Variants in TPST1 observed in about 807,000 individuals in gnomAD.
The protein encoded by TPST1 is tyrosylprotein sulfotransferase 1.
A neutral mutation model predicts 34.8 loss-of-function variants in TPST1; 20 were observed. The ratio of observed to expected loss-of-function variants is 0.57; its 90% CI spans 0.40 to 0.84. The LOEUF (loss-of-function observed/expected upper bound fraction) is 0.84, where lower values mean the gene tolerates loss of function less well. Ranked by LOEUF, TPST1 falls within the 40% of genes least tolerant of loss-of-function variation. The probability of loss-of-function intolerance (pLI) is 0.00; values close to 1 mark genes in which losing one functional copy is unlikely to be tolerated. For synonymous variants in TPST1, 152 were observed against 159.4 expected (o/e 0.95, Z 0.35); for missense variants, 353 against 455.5 (o/e 0.78, Z 2.05).
At chr7:66,297,234 G>A (rs1791220157) in intron 3 of TPST1, among the ~76,000 whole-genome samples, 1 of 152,104 alleles carries the variant, frequency 6.6e-6, no homozygotes, top group Non-Finnish European at 1.5e-5. Flanking sequence ...TTCCTAGTGG[G>A]TCTCTTTCCT....
intron 1 of TPST1, among the ~76,000 whole-genome samples, chr7:66,223,100 A>G (rs1311322884): frequency 6.6e-6 from 1 of 151,990 alleles, no homozygotes; most frequent in East Asian, 1.9e-4. Flanking sequence ...CTTTTACATT[A>G]ATTCAATGCC....
chr7:66,298,507 A>T (rs1277348816), intron 3 of TPST1, among the ~76,000 whole-genome samples: 1 of 152,002 alleles, frequency 6.6e-6, no homozygotes, highest in Non-Finnish European at 1.5e-5. Context: ...TTTACTTTTA[A>T]TCTGTGTCTT....
intron 2 of TPST1, among the ~76,000 whole-genome samples, chr7:66,252,817 C>A (rs1402264325): frequency 6.6e-6 from 1 of 152,036 alleles, no homozygotes; most frequent in Non-Finnish European, 1.5e-5. Context: ...AAAATAGTTT[C>A]CCATGTTTTT....
chr7:66,296,414 A>G (rs1791199779), intron 3 of TPST1, among the ~76,000 whole-genome samples: 2 of 152,088 alleles, frequency 1.3e-5, no homozygotes, highest in African/African-American at 2.4e-5. Context: ...CCTTTTTGCA[A>G]ACTAAATCCT....
At chr7:66,315,815 GA>G (rs1038227821) in intron 3 of TPST1, among the ~76,000 whole-genome samples, 6 of 150,504 alleles carry the variant, frequency 4.0e-5, no homozygotes, top group African/African-American at 7.3e-5. Flanking sequence ...AGAATAACAA[GA>G]AAAAAAAATT....
intron 2 of TPST1, among the ~76,000 whole-genome samples, chr7:66,254,943 C>T (rs1008783315): frequency 1.3e-5 from 2 of 151,568 alleles, no homozygotes; most frequent in East Asian, 2.0e-4. Flanking sequence ...GTCAGGAGAT[C>T]GAGACCATCC....
At chr7:66,325,057 G>T (rs1791836339) in intron 3 of TPST1, among the ~76,000 whole-genome samples, 1 of 152,150 alleles carries the variant, frequency 6.6e-6, no homozygotes, top group South Asian at 2.1e-4. Flanking sequence ...AAGGAAAGAG[G>T]TTTAATTGAC....
intron 2 of TPST1, among the ~76,000 whole-genome samples, chr7:66,284,488 A>G (rs893744030): frequency 6.6e-6 from 1 of 151,866 alleles, no homozygotes; most frequent in Non-Finnish European, 1.5e-5. Flanking sequence ...TCAAATATTA[A>G]TTAATCATAG....
At chr7:66,228,597 G>A (rs1789713102) in intron 1 of TPST1, among the ~76,000 whole-genome samples, 1 of 152,102 alleles carries the variant, frequency 6.6e-6, no homozygotes, top group South Asian at 2.1e-4. Context: ...GGATCCATAA[G>A]CTTATTGGAT....
intron 3 of TPST1, among the ~76,000 whole-genome samples, chr7:66,312,276 G>T (rs1791546736): frequency 6.6e-6 from 1 of 152,168 alleles, no homozygotes; most frequent in Non-Finnish European, 1.5e-5. Context: ...GCAGTGAAGA[G>T]GTTTAGTTGG....
chr7:66,329,086 AT>A (rs950703910), intron 3 of TPST1, among the ~76,000 whole-genome samples: 3 of 149,412 alleles, frequency 2.0e-5, no homozygotes, highest in African/African-American at 7.4e-5. Context: ...TAATACTTGT[AT>A]TTTTTTGTAG....
chr7:66,214,878 T>C lies in TPST1; in HGVS notation c.-102+9356T>C, dbSNP rs538139544. ...TTAATATGTTTTTAAATATGTATTA[T>C]ATATTTATATGTATATTTTTATTGG... is the stretch of plus-strand genomic sequence containing the variant. On this transcript the variant is annotated intron_variant, in intron 1 of 5. Transcript: ENST00000304842. Among the ~76,000 whole-genome samples, 6 of 147,676 alleles carry C rather than the reference T, an allele frequency of 4.1e-5. No individual in the cohort carries two copies. In the South Asian group the frequency reaches 1.3e-3, roughly 31 times the overall value.
intron 3 of TPST1, among the ~76,000 whole-genome samples, chr7:66,308,088 G>T (rs1791458744): frequency 6.6e-6 from 1 of 152,120 alleles, no homozygotes; most frequent in South Asian, 2.1e-4. Flanking sequence ...TCACTCCTTT[G>T]ACACAAAATG....
chr7:66,354,873 G>A (rs1021103043), intron 4 of TPST1, among the ~76,000 whole-genome samples: 2 of 151,958 alleles, frequency 1.3e-5, no homozygotes, highest in Non-Finnish European at 2.9e-5. Context: ...CATGCCTGTA[G>A]TCCCAGCTAC....
intron 3 of TPST1, among the ~76,000 whole-genome samples, chr7:66,314,172 C>G (rs959529810): frequency 6.6e-6 from 1 of 152,174 alleles, no homozygotes; most frequent in African/African-American, 2.4e-5. Context: ...ATGTTAATTT[C>G]GATCTCATGG....
chr7:66,342,068 A>G (rs1192268938), intron 3 of TPST1, among the ~76,000 whole-genome samples: 1 of 152,206 alleles, frequency 6.6e-6, no homozygotes, highest in Non-Finnish European at 1.5e-5. Flanking sequence ...AAAAGAGAAT[A>G]GAGAAAACGA....
intron 4 of TPST1, among the ~76,000 whole-genome samples, chr7:66,356,361 G>A (rs542341820): frequency 6.6e-6 from 1 of 152,266 alleles, no homozygotes; most frequent in South Asian, 2.1e-4. Context: ...TCACCAACCG[G>A]GAAGTGCCAC....
At chr7:66,350,012 G>A (rs1584260611) in intron 3 of TPST1, among the ~76,000 whole-genome samples, 1 of 152,068 alleles carries the variant, frequency 6.6e-6, no homozygotes, top group Non-Finnish European at 1.5e-5. Flanking sequence ...TGTCAGGGTA[G>A]AACAAATGAT....
chr7:66,259,415 C>T (rs572782131), intron 2 of TPST1, among the ~76,000 whole-genome samples: 5 of 152,114 alleles, frequency 3.3e-5, no homozygotes, highest in African/African-American at 7.2e-5. Flanking sequence ...TTACTTGGAA[C>T]GTGTTGAGCT....
Sources: gnomAD v4.1 joint callset for allele counts (sites outside exome capture counted in the v4.1 genomes callset) on GRCh38, gnomAD v4.1.1 for gene constraint, MANE v1.5 for transcripts, NCBI Gene and HGNC (gene_info 2026-07-23, HGNC 2026-07-21) for gene names.